AUTS2: variants seen among roughly 807,000 people sequenced by gnomAD.
The protein encoded by AUTS2 is activator of transcription and developmental regulator AUTS2, also known as autism susceptibility gene 2 protein.
Under a neutral mutation model 112.4 loss-of-function variants are expected in AUTS2, and 17 were observed. The observed-to-expected ratio is 0.15, with a 90% CI of 0.10 to 0.23. The LOEUF (loss-of-function observed/expected upper bound fraction) is 0.23, where lower values mean the gene tolerates loss of function less well. Ranked by LOEUF, AUTS2 falls within the 10% of genes least tolerant of loss-of-function variation. AUTS2 has a pLI of 1.00. For synonymous variants in AUTS2, 751 were observed against 702.7 expected (o/e 1.07, Z -1.09); for missense variants, 1,510 against 1,701.6 (o/e 0.89, Z 1.98).
chr7:70,377,674 T>G (rs1186334140), intron 4 of AUTS2, among the ~76,000 whole-genome samples: 1 of 151,742 alleles, frequency 6.6e-6, no homozygotes, highest in Non-Finnish European at 1.5e-5. Context: ...CATTCTACGG[T>G]CTGCCTCTAT....
chr7:70,547,893 T>C (rs1450413381), intron 5 of AUTS2, among the ~76,000 whole-genome samples: 4 of 152,204 alleles, frequency 2.6e-5, no homozygotes, highest in Non-Finnish European at 4.4e-5. Context: ...GTTTTCCAAA[T>C]GGCAGCTTCA....
intron 2 of AUTS2, among the ~76,000 whole-genome samples, chr7:70,004,319 T>TATTC (rs1417454395): frequency 1.5e-5 from 2 of 134,738 alleles, no homozygotes; most frequent in Non-Finnish European, 3.1e-5. Flanking sequence ...ATATATTATA[T>TATTC]ATATAATATA....
chr7:70,700,743 A>G (rs1395324250), intron 6 of AUTS2, among the ~76,000 whole-genome samples: 1 of 152,198 alleles, frequency 6.6e-6, no homozygotes, highest in Non-Finnish European at 1.5e-5. Flanking sequence ...ACAGGTGCAG[A>G]GTCTCCTTAT....
rs555411559 is a variant in AUTS2 at position 70,630,133 on chromosome 7, C to T, written c.691-68436C>T. On this transcript the variant is annotated intron_variant, in intron 5 of 18. Coordinates refer to ENST00000342771, the MANE Select transcript of AUTS2 (RefSeq NM_015570.4). Reference sequence around the variant, plus strand: ...GAAAGGGGTAGGGGGCTCGGAAAGGCGGCCTCCTCTGCGTGTGCCAGGAGA... The same window carrying T: ...GAAAGGGGTAGGGGGCTCGGAAAGGTGGCCTCCTCTGCGTGTGCCAGGAGA... Among the ~76,000 whole-genome samples, 39 of 152,214 alleles carry T rather than the reference C, an allele frequency of 2.6e-4. No homozygotes were observed. In the South Asian group the frequency reaches 5.4e-3, roughly 21 times the overall value.
At chr7:70,072,998 G>A (rs1236974515) in intron 2 of AUTS2, among the ~76,000 whole-genome samples, 3 of 145,372 alleles carry the variant, frequency 2.1e-5, no homozygotes, top group Non-Finnish European at 3.0e-5. Context: ...AGGCTGGCCA[G>A]CTTTCTTGCT....
At chr7:70,425,161 T>C (rs1795381145) in intron 4 of AUTS2, among the ~76,000 whole-genome samples, 1 of 152,166 alleles carries the variant, frequency 6.6e-6, no homozygotes, top group African/African-American at 2.4e-5. Flanking sequence ...CTCACAACCT[T>C]AGTGGTGGAA....
chr7:69,855,327 G>A lies in AUTS2; in HGVS notation c.310-43959G>A, dbSNP rs568785415. On this transcript the variant is annotated intron_variant, in intron 1 of 18. Coordinates refer to ENST00000342771, the MANE Select transcript of AUTS2 (RefSeq NM_015570.4). ...TTCTGTTTTATCTCTGTGGTATCAC[G>A]GAATTTTATTATTGGACAGGCTAAT... Among the ~76,000 whole-genome samples the A allele has an allele frequency of 8.5e-4, 130 of 152,216 alleles. 1 individual carries two copies. Among genetic ancestry groups the A allele is most frequent in the Non-Finnish European group, 1.1e-3 (78 of 68,010 alleles).
intron 2 of AUTS2, among the ~76,000 whole-genome samples, chr7:70,116,588 G>C (rs1474564250): frequency 6.6e-6 from 1 of 152,102 alleles, no homozygotes; most frequent in Non-Finnish European, 1.5e-5. Flanking sequence ...TTTCATTCAT[G>C]CACCCAGCTC....
intron 5 of AUTS2, among the ~76,000 whole-genome samples, chr7:70,607,033 G>A (rs1011377294): frequency 6.6e-6 from 1 of 152,172 alleles, no homozygotes; most frequent in African/African-American, 2.4e-5. Flanking sequence ...GGCAGAGTTA[G>A]ATTTATCCTG....
chr7:70,438,116 T>C (rs1430565216), intron 5 of AUTS2, among the ~76,000 whole-genome samples: 1 of 152,010 alleles, frequency 6.6e-6, no homozygotes, highest in Non-Finnish European at 1.5e-5. Context: ...TGCCTCTGGT[T>C]GTCAGAGGGA....
intron 5 of AUTS2, among the ~76,000 whole-genome samples, chr7:70,567,927 C>T (rs1801773405): frequency 6.6e-6 from 1 of 152,134 alleles, no homozygotes; most frequent in Admixed American, 6.5e-5. Context: ...ATAGAGGCAC[C>T]ATATGAGCAA....
chr7:70,086,539 G>T (rs1803611090), intron 2 of AUTS2, among the ~76,000 whole-genome samples: 2 of 151,488 alleles, frequency 1.3e-5, no homozygotes, highest in Non-Finnish European at 2.9e-5. Flanking sequence ...TACTTGGGAG[G>T]CTGAGACGGG....
At chr7:69,787,630 A>T (rs924918757) in intron 1 of AUTS2, among the ~76,000 whole-genome samples, 1 of 152,016 alleles carries the variant, frequency 6.6e-6, no homozygotes, top group Non-Finnish European at 1.5e-5. Context: ...GCTCACTGCA[A>T]CCTCCACCTC....
At chr7:70,285,979 G>C (rs996116720) in intron 4 of AUTS2, among the ~76,000 whole-genome samples, 1 of 152,216 alleles carries the variant, frequency 6.6e-6, no homozygotes, top group African/African-American at 2.4e-5. Context: ...ATGTAGACTA[G>C]CTTGTACATG....
chr7:69,612,338 A>C lies in AUTS2; in HGVS notation c.309+12376A>C, dbSNP rs988555669. Among the ~76,000 whole-genome samples, 6 of 152,232 alleles carry C rather than the reference A, an allele frequency of 3.9e-5. No homozygotes were observed. The East Asian group carries it at 1.2e-3, about 29-fold the overall frequency. ...ACTTTGGGATCTGGTGGGAAGTTCAAGTGCTATTAATTTTTCCTTGGTCTG... is the reference window on the plus strand; with the variant it reads ...ACTTTGGGATCTGGTGGGAAGTTCACGTGCTATTAATTTTTCCTTGGTCTG... On this transcript the variant is annotated intron_variant, in intron 1 of 18. Transcript: ENST00000342771.
intron 4 of AUTS2, among the ~76,000 whole-genome samples, chr7:70,154,343 T>C (rs1807622806): frequency 6.6e-6 from 1 of 152,156 alleles, no homozygotes; most frequent in South Asian, 2.1e-4. Flanking sequence ...CTTTGACTTG[T>C]GTGGAAGGAA....
chr7:69,600,914 A>G (rs1792368412), intron 1 of AUTS2, among the ~76,000 whole-genome samples: 1 of 147,796 alleles, frequency 6.8e-6, no homozygotes, highest in South Asian at 2.1e-4. Flanking sequence ...GTCTTTCTTT[A>G]TTCCTTGGGC....
intron 1 of AUTS2, among the ~76,000 whole-genome samples, chr7:69,741,827 A>G (rs1320146209): frequency 6.6e-6 from 1 of 151,182 alleles, no homozygotes; most frequent in Non-Finnish European, 1.5e-5. Flanking sequence ...TTTTTGAGAC[A>G]GGGCCTCCCT....
At chr7:70,730,423 C>T (rs1046068673) in intron 6 of AUTS2, among the ~76,000 whole-genome samples, 84 of 152,130 alleles carry the variant, frequency 5.5e-4, no homozygotes, top group African/African-American at 1.8e-3. Flanking sequence ...CTCATCCTCC[C>T]AATCCCTCAG....
Sources: allele counts gnomAD v4.1 joint callset (sites outside exome capture counted in the v4.1 genomes callset), GRCh38; gene constraint gnomAD v4.1.1; transcripts MANE v1.5; gene names NCBI Gene and HGNC (gene_info 2026-07-23, HGNC 2026-07-21).